Variants in B3GALT1 observed in about 807,000 individuals in gnomAD.
B3GALT1 encodes the protein beta-1,3-galactosyltransferase 1, also known as UDP-Gal:betaGlcNAc beta 1,3-galactosyltransferase, polypeptide 1.
In B3GALT1, 10 loss-of-function variants were observed where a neutral mutation model predicts 23.2. That is an observed-to-expected ratio of 0.43 (90% CI 0.27 to 0.73). B3GALT1 has a LOEUF of 0.73. Ranked by LOEUF, B3GALT1 falls within the 30% of genes least tolerant of loss-of-function variation. The pLI, the probability that B3GALT1 is intolerant of heterozygous loss-of-function variation, is 0.21. For synonymous variants in B3GALT1, 156 were observed against 141.5 expected, an observed-to-expected ratio of 1.10 and a Z score of -0.73; for missense variants, 299 against 405.4, an observed-to-expected ratio of 0.74 and a Z score of 2.25.
At chr2:167,392,010 T>A (rs1390837060) in intron 1 of B3GALT1, among the ~76,000 whole-genome samples, 1 of 152,108 alleles carries the variant, frequency 6.6e-6, no homozygotes, top group Non-Finnish European at 1.5e-5. Flanking sequence ...CGGACTTGAC[T>A]TCTTGGTCTC....
chr2:167,752,342 C>T (rs758075593), intron 3 of B3GALT1, among the ~76,000 whole-genome samples: 3 of 152,018 alleles, frequency 2.0e-5, no homozygotes, highest in Non-Finnish European at 4.4e-5. Flanking sequence ...GACAAGAAGT[C>T]AGGAATTGCA....
At chr2:167,847,385 A>G (rs1689784450) in intron 4 of B3GALT1, among the ~76,000 whole-genome samples, 1 of 152,110 alleles carries the variant, frequency 6.6e-6, no homozygotes, top group Admixed American at 6.5e-5. Context: ...TATATCAAGC[A>G]CTCTCTCAGA....
intron 3 of B3GALT1, among the ~76,000 whole-genome samples, chr2:167,690,207 A>T (rs1207494701): frequency 6.6e-6 from 1 of 151,980 alleles, no homozygotes; most frequent in African/African-American, 2.4e-5. Context: ...TTTATGATTT[A>T]AAAAAATCAA....
intron 3 of B3GALT1, among the ~76,000 whole-genome samples, chr2:167,695,956 T>C (rs1168466986): frequency 6.6e-6 from 1 of 152,128 alleles, no homozygotes; most frequent in Non-Finnish European, 1.5e-5. Flanking sequence ...TTTTCTTTTT[T>C]AAGAAGTTAT....
intron 2 of B3GALT1, among the ~76,000 whole-genome samples, chr2:167,546,021 G>C (rs373837999): frequency 6.6e-6 from 1 of 152,206 alleles, no homozygotes; most frequent in Non-Finnish European, 1.5e-5. Flanking sequence ...TGCATGAAAC[G>C]TGAGGTCTGG....
chr2:167,512,635 T>C (rs1233095231), intron 2 of B3GALT1, among the ~76,000 whole-genome samples: 17 of 88,934 alleles, frequency 1.9e-4, no homozygotes, highest in South Asian at 8.5e-4. Flanking sequence ...TATATATATA[T>C]ACATATATAT....
At chr2:167,463,854 G>T (rs1043123578) in intron 1 of B3GALT1, among the ~76,000 whole-genome samples, 1 of 152,132 alleles carries the variant, frequency 6.6e-6, no homozygotes, top group Admixed American at 6.6e-5. Flanking sequence ...GTAATTCATT[G>T]AAATTTTACT....
At chr2:167,401,553 AC>A (rs1698192160) in intron 1 of B3GALT1, among the ~76,000 whole-genome samples, 1 of 152,044 alleles carries the variant, frequency 6.6e-6, no homozygotes, top group African/African-American at 2.4e-5. Context: ...CTTTAACAAG[AC>A]CTTTTTCACA....
At chr2:167,307,338 C>G (rs767146731) in intron 1 of B3GALT1, among the ~76,000 whole-genome samples, 10 of 151,978 alleles carry the variant, frequency 6.6e-5, no homozygotes, top group Admixed American at 1.3e-4. Flanking sequence ...ATTCTCTTTG[C>G]TCAGTTGATT....
chr2:167,715,104 T>C, intron 3 of B3GALT1: 1 of 1,613,552 alleles, frequency 6.2e-7, no homozygotes, highest in Non-Finnish European at 8.5e-7. Context: ...ACATTTAAGT[T>C]AGCAGCATGA....
At chr2:167,509,434 A>G (rs1699970628) in intron 2 of B3GALT1, among the ~76,000 whole-genome samples, 1 of 151,530 alleles carries the variant, frequency 6.6e-6, no homozygotes, top group Admixed American at 6.6e-5. Flanking sequence ...ATATATACAT[A>G]TGTGTGTGTG....
chr2:167,390,110 C>T (rs928984274), intron 1 of B3GALT1, among the ~76,000 whole-genome samples: 1 of 152,014 alleles, frequency 6.6e-6, no homozygotes, highest in Non-Finnish European at 1.5e-5. Flanking sequence ...TCAGGACGAA[C>T]CCTTCACTGC....
intron 4 of B3GALT1, among the ~76,000 whole-genome samples, chr2:167,835,213 C>G (rs1271319172): frequency 6.6e-6 from 1 of 152,136 alleles, no homozygotes; most frequent in African/African-American, 2.4e-5. Context: ...CATGCGCGAG[C>G]CGAAGCAGGG....
At chr2:167,565,565 C>T (rs1416848361) in intron 2 of B3GALT1, among the ~76,000 whole-genome samples, 1 of 152,146 alleles carries the variant, frequency 6.6e-6, no homozygotes, top group African/African-American at 2.4e-5. Context: ...TCAGAGTGAA[C>T]AGGCAACCTA....
chr2:167,318,472 T>C (rs1164898699), intron 1 of B3GALT1, among the ~76,000 whole-genome samples: 2 of 152,086 alleles, frequency 1.3e-5, no homozygotes, highest in Admixed American at 1.3e-4. Flanking sequence ...TATTACCTTC[T>C]CTGAAACTTT....
At chr2:167,342,377 C>A (rs1452568301) in intron 1 of B3GALT1, among the ~76,000 whole-genome samples, 3 of 152,038 alleles carry the variant, frequency 2.0e-5, no homozygotes, top group Non-Finnish European at 4.4e-5. Context: ...CATTTGAAGT[C>A]AGGAGTTCAA....
intron 3 of B3GALT1, among the ~76,000 whole-genome samples, chr2:167,746,713 A>G (rs558171723): frequency 6.6e-6 from 1 of 152,366 alleles, no homozygotes; most frequent in Non-Finnish European, 1.5e-5. Context: ...CATGTTATAC[A>G]CTAATTAAAA....
At chr2:167,548,887 A>C (rs906131971) in intron 2 of B3GALT1, among the ~76,000 whole-genome samples, 1 of 152,172 alleles carries the variant, frequency 6.6e-6, no homozygotes, top group Admixed American at 6.6e-5. Flanking sequence ...TTTTTTAACT[A>C]ATATTTAATC....
At chr2:167,666,998 G>A (rs1439184664) in intron 3 of B3GALT1, among the ~76,000 whole-genome samples, 4 of 150,312 alleles carry the variant, frequency 2.7e-5, no homozygotes, top group South Asian at 2.1e-4. Context: ...TCATTATGAC[G>A]ATTGTTGGTT....
Sources: gnomAD v4.1 joint callset for allele counts (sites outside exome capture counted in the v4.1 genomes callset) on GRCh38, gnomAD v4.1.1 for gene constraint, MANE v1.5 for transcripts, NCBI Gene and HGNC (gene_info 2026-07-23, HGNC 2026-07-21) for gene names.